The following RAPGEF6 variants were observed in gnomAD, a reference collection of about 807,000 sequenced individuals.
RAPGEF6 encodes PDZ domain containing guanine nucleotide exchange factor (GEF) 2.
In RAPGEF6, 56 loss-of-function variants were observed where a neutral mutation model predicts 171.4. The observed-to-expected ratio is 0.33, with a 90% CI of 0.26 to 0.41. The LOEUF is 0.41. Among genes scored for constraint, RAPGEF6 ranks in the 10% least tolerant of loss-of-function variants. The probability of loss-of-function intolerance (pLI) is 1.00; values close to 1 mark genes in which losing one functional copy is unlikely to be tolerated. For synonymous variants in RAPGEF6, 692 were observed against 650.1 expected (o/e 1.06, Z -0.98); for missense variants, 1,674 against 1,921.4 (o/e 0.87, Z 2.41).
At chr5:131,547,044 C>A (rs1163324220) in intron 6 of RAPGEF6, among the ~76,000 whole-genome samples, 2 of 152,078 alleles carry the variant, frequency 1.3e-5, no homozygotes, top group Non-Finnish European at 2.9e-5. Context: ...GGAAATAAAC[C>A]TTGTTGTGGC....
intron 4 of RAPGEF6, among the ~76,000 whole-genome samples, chr5:131,588,426 C>G (rs976348326): frequency 1.3e-5 from 2 of 152,158 alleles, no homozygotes; most frequent in African/African-American, 4.8e-5. Context: ...TTGCCATGCC[C>G]ACTATTAAAG....
In RAPGEF6 at chr5:131,542,286, A is replaced by G. The variant is rs907655783; in HGVS notation, c.495+5761T>C. Among the ~76,000 whole-genome samples, 8 of 152,332 alleles carry G rather than the reference A, an allele frequency of 5.3e-5. 1 individual carries two copies. The highest frequency in any genetic ancestry group is 6.8e-3 in the Middle Eastern group (2 of 294). Reference sequence around the variant, plus strand: ...AACAAAGGTTTTTTGAATATTCACAATAACAACAACAGCAATAGGATGCTA... The same window carrying G: ...AACAAAGGTTTTTTGAATATTCACAGTAACAACAACAGCAATAGGATGCTA... On this transcript the variant is annotated intron_variant, in intron 6 of 27. Coordinates refer to ENST00000509018, the MANE Select transcript of RAPGEF6 (RefSeq NM_016340.6).
chr5:131,529,006 TAA>T (rs1759182119), intron 6 of RAPGEF6, among the ~76,000 whole-genome samples: 1 of 152,138 alleles, frequency 6.6e-6, no homozygotes, highest in African/African-American at 2.4e-5. Context: ...CCCAAAGTGG[TAA>T]TGCTTCCTCC....
chr5:131,444,828 T>C (rs370610716), intron 22 of RAPGEF6, among the ~76,000 whole-genome samples: 1 of 152,278 alleles, frequency 6.6e-6, no homozygotes, highest in African/African-American at 2.4e-5. Flanking sequence ...ATAACTTTGA[T>C]GATGACTCAA....
intron 11 of RAPGEF6, among the ~76,000 whole-genome samples, chr5:131,503,772 T>G (rs1000760291): frequency 1.3e-5 from 2 of 152,196 alleles, no homozygotes; most frequent in Non-Finnish European, 2.9e-5. Flanking sequence ...AGGGCAGAAC[T>G]TACAGAAGGG....
chr5:131,605,114 T>C (rs2150016962), intron 1 of RAPGEF6, among the ~76,000 whole-genome samples: 1 of 152,336 alleles, frequency 6.6e-6, no homozygotes, highest in East Asian at 1.9e-4. Context: ...AGAATTTCTT[T>C]CTAAAGAGAC....
chr5:131,428,942 A>C lies in RAPGEF6; in HGVS notation c.4740T>G (p.Pro1580=). The change falls in exon 27 of 28, where the codon CCT becomes CCG. Residue 1580 remains proline, a synonymous_variant. Transcript: ENST00000509018. ...PQRHNLQPFH[P]KLGDVTDADS... is the part of the protein sequence containing the mutation. Reference sequence around the variant, plus strand: ...CTGCATCAGTCACATCTCCTAGTTTAGGATGGAATGGCTGCAAATTATGCC... The same window carrying C: ...CTGCATCAGTCACATCTCCTAGTTTCGGATGGAATGGCTGCAAATTATGCC... The C allele has an allele frequency of 6.2e-7, 1 of 1,614,238 alleles. No individual in the cohort carries two copies. The highest frequency in any genetic ancestry group is 2.2e-5 in the East Asian group (1 of 44,890).
intron 5 of RAPGEF6, among the ~76,000 whole-genome samples, chr5:131,554,038 T>C (rs930759571): frequency 3.3e-5 from 5 of 151,638 alleles, no homozygotes; most frequent in Admixed American, 1.3e-4. Context: ...GATACCAAAT[T>C]ACAGAGAAAA....
At chr5:131,568,498 T>G (rs1472201646) in intron 4 of RAPGEF6, among the ~76,000 whole-genome samples, 1 of 152,130 alleles carries the variant, frequency 6.6e-6, no homozygotes, top group African/African-American at 2.4e-5. Context: ...ACACGTTTTT[T>G]TGTAGAGACA....
rs1287436915 is a variant in RAPGEF6 at position 131,431,067 on chromosome 5, T to C, written c.4257A>G (p.Arg1419=). ...GGCTTCCTTTACACTGCCCACAAGT[T>C]CTAGAGCAGCTTTTAGAACAGGAAT... ...EPYSCSKSCS[R]TCGQCKGSLE... is the part of the protein sequence containing the mutation. Residue 1419 remains arginine, a synonymous_variant, in exon 26 of 28, where the codon AGA becomes AGG. Transcript: ENST00000509018. 6.2e-7 allele frequency: 1 copy of C among 1,614,078 alleles called. No homozygotes were observed. Among genetic ancestry groups the C allele is most frequent in the Non-Finnish European group, 8.5e-7 (1 of 1,180,036 alleles).
intron 19 of RAPGEF6, among the ~76,000 whole-genome samples, chr5:131,456,632 C>A (rs866938954): frequency 6.6e-6 from 1 of 152,188 alleles, no homozygotes; most frequent in African/African-American, 2.4e-5. Context: ...CTTTATGAAT[C>A]CTTTACCTCT....
At chr5:131,544,980 C>T (rs1334209732) in intron 6 of RAPGEF6, among the ~76,000 whole-genome samples, 1 of 152,156 alleles carries the variant, frequency 6.6e-6, no homozygotes, top group African/African-American at 2.4e-5. Context: ...CCACGCCTGG[C>T]CCAAACTGTG....
At chr5:131,609,741 T>C (rs529357563) in intron 1 of RAPGEF6, among the ~76,000 whole-genome samples, 23 of 152,360 alleles carry the variant, frequency 1.5e-4, no homozygotes, top group South Asian at 1.2e-3. Flanking sequence ...AGACTATATA[T>C]GGTGTCTCTC....
intron 1 of RAPGEF6, among the ~76,000 whole-genome samples, chr5:131,630,133 A>G (rs1477817829): frequency 2.0e-5 from 3 of 152,210 alleles, no homozygotes; most frequent in Non-Finnish European, 4.4e-5. Flanking sequence ...TCATTGTCTT[A>G]TTTTAAGAAA....
intron 4 of RAPGEF6, among the ~76,000 whole-genome samples, chr5:131,577,038 G>A (rs765409847): frequency 2.0e-5 from 3 of 152,064 alleles, no homozygotes; most frequent in Admixed American, 1.3e-4. Flanking sequence ...CATATGCCCC[G>A]ACTCAAAAAA....
rs1401738125 is a variant in RAPGEF6, at chr5:131,560,150, T to C, written c.351+1828A>G. Among the ~76,000 whole-genome samples the C allele has an allele frequency of 2.0e-5, 3 of 152,308 alleles. No homozygotes were observed. In the East Asian group the frequency reaches 5.8e-4, roughly 29 times the overall value. ...AATTACCAGCCATAAATACATATAC[T>C]TGATGTGACTTTTTATTTTATATAC... is the stretch of plus-strand genomic sequence containing the variant. On this transcript the variant is annotated intron_variant, in intron 5 of 27. Coordinates refer to ENST00000509018, the MANE Select transcript of RAPGEF6 (RefSeq NM_016340.6).
At chr5:131,452,195 G>C (rs1753138040) in intron 21 of RAPGEF6, among the ~76,000 whole-genome samples, 1 of 149,186 alleles carries the variant, frequency 6.7e-6, no homozygotes, top group African/African-American at 2.5e-5. Flanking sequence ...ACTCCAGCCT[G>C]GGCGACAGAG....
intron 5 of RAPGEF6, among the ~76,000 whole-genome samples, chr5:131,556,203 G>A (rs532791144): frequency 6.6e-6 from 1 of 152,332 alleles, no homozygotes; most frequent in African/African-American, 2.4e-5. Context: ...ACTTCGGGAG[G>A]CCGAGGTGGG....
intron 14 of RAPGEF6, among the ~76,000 whole-genome samples, chr5:131,491,158 A>G (rs969145432): frequency 6.6e-6 from 1 of 152,182 alleles, no homozygotes; most frequent in Non-Finnish European, 1.5e-5. Context: ...GACATTCCTA[A>G]TGAGTAGTCT....
Sources: gnomAD v4.1 joint callset for allele counts (sites outside exome capture counted in the v4.1 genomes callset) on GRCh38, gnomAD v4.1.1 for gene constraint, MANE v1.5 for transcripts, NCBI Gene and HGNC (gene_info 2026-07-23, HGNC 2026-07-21) for gene names.